The following KBTBD8 variants were observed in gnomAD, a reference collection of about 807,000 sequenced individuals.
KBTBD8 encodes the protein kelch repeat and BTB domain containing 8.
In KBTBD8, 31 loss-of-function variants were observed where a neutral mutation model predicts 53.5. That is an observed-to-expected ratio of 0.58 (90% CI 0.44 to 0.78). The LOEUF is 0.78. Ranked by LOEUF, KBTBD8 falls within the 30% of genes least tolerant of loss-of-function variation. The pLI is 0.00. For missense variants in KBTBD8, 642 were observed against 735.8 expected (o/e 0.87, Z 1.48); for synonymous variants, 250 against 247.3 (o/e 1.01, Z -0.10).
chr3:66,999,284 A>C, intron 2 of KBTBD8, 93 bp downstream of exon 2: 1 of 973,210 alleles, frequency 1.0e-6, no homozygotes, highest in South Asian at 1.4e-5. Flanking sequence ...GAGATGCGAT[A>C]ATGAAATGAA....
At chr3:66,998,813 C>T in intron 1 of KBTBD8, 168 bp from the exon 2 acceptor site, 1 of 633,918 alleles carries the variant, frequency 1.6e-6, no homozygotes, top group Non-Finnish European at 2.8e-6. Context: ...CCCTCTGTCT[C>T]CCAGATCCTT....
chr3:66,998,379 G>GT lies in KBTBD8; in HGVS notation c.16+9dup. 1 of 1,296,292 alleles carries GT rather than the reference G, an allele frequency of 7.7e-7. No individual in the cohort carries two copies. Among genetic ancestry groups the GT allele is most frequent in the African/African-American group, 1.5e-5 (1 of 64,806 alleles). 80.3% of individuals were successfully genotyped at this position (1,296,292 alleles called of 1,614,324 possible). The stretch of plus-strand genomic sequence containing the variant: ...AAATGGCCGCGTCGGCAGGTGGGTC[G>GT]TGTGGTGGCCAGGGCGGCGTGGAGG... On this transcript the variant is annotated intron_variant, in intron 1 of 3. Transcript: ENST00000417314.
rs750313006 is a variant in KBTBD8 at position 67,003,451 on chromosome 3, T to C, written c.484T>C (p.Tyr162His). ...SIGVFIFADHYGHQELGDRSK... is the reference protein window; with the variant it reads ...SIGVFIFADHHGHQELGDRSK... ...TGGGGTCTTTATCTTTGCTGATCAT[T>C]ATGGTCATCAGGAACTCGGAGATCG... Residue 162 changes from tyrosine to histidine, a missense_variant, in exon 3 of 4, where the codon TAT becomes CAT. Tyr to His is a moderately conservative substitution (Grantham distance 83, BLOSUM62 2). Coordinates refer to ENST00000417314, the MANE Select transcript of KBTBD8 (RefSeq NM_032505.3). 6.2e-7 allele frequency: 1 copy of C among 1,614,152 alleles called. No individual in the cohort carries two copies. The highest frequency in any genetic ancestry group is 8.5e-7 in the Non-Finnish European group (1 of 1,180,000).
Position 66,998,313 on chromosome 3 carries a change from A to C in KBTBD8, c.-43A>C. 7.7e-7 allele frequency: 1 copy of C among 1,294,164 alleles called. No homozygotes were observed. The highest frequency in any genetic ancestry group is 1.5e-5 in the African/African-American group (1 of 64,818). The allele number at this position is 1,294,164 out of a possible 1,614,324, so 80.2% of individuals were successfully genotyped here. A position where few individuals can be genotyped will look rare whatever the true frequency, so the allele number is the denominator to read the frequency against. ...ACCCGGGAGCTAGAGAAGCGAAATG[A>C]CATTTCCTTTTTAAATAGCTGGAGT... On this transcript the variant is annotated 5_prime_UTR_variant, in exon 1 of 4. Coordinates refer to ENST00000417314, the MANE Select transcript of KBTBD8 (RefSeq NM_032505.3).
In KBTBD8 at chr3:67,008,928, T is replaced by C. The variant is rs547006521; in HGVS notation, c.*543T>C. 20 of 152,774 alleles carry C rather than the reference T, an allele frequency of 1.3e-4. No homozygotes were observed. The highest frequency in any genetic ancestry group is 4.8e-4 in the African/African-American group (20 of 41,570). 9.5% of individuals were successfully genotyped at this position (152,774 alleles called of 1,614,324 possible). On this transcript the variant is annotated 3_prime_UTR_variant, in exon 4 of 4. Coordinates refer to ENST00000417314, the MANE Select transcript of KBTBD8 (RefSeq NM_032505.3). ...AAATGTGTTCTATTATTAGAGTAGATCGAAGAAAAAATTAGTCTCAGAAAG... is the reference window on the plus strand; with the variant it reads ...AAATGTGTTCTATTATTAGAGTAGACCGAAGAAAAAATTAGTCTCAGAAAG...
In KBTBD8 at chr3:67,002,495, A is replaced by G. The variant is rs1010199320; in HGVS notation, c.228-700A>G. 1.3e-4 allele frequency among the ~76,000 whole-genome samples: 18 copies of G among 143,848 alleles called. No homozygotes were observed. In the South Asian group the frequency reaches 4.1e-3, roughly 33 times the overall value. The allele number at this position is 143,848 out of a possible 152,430, so 94.4% of individuals were successfully genotyped here. A position where few individuals can be genotyped will look rare whatever the true frequency, so the allele number is the denominator to read the frequency against. On this transcript the variant is annotated intron_variant, in intron 2 of 3. Transcript: ENST00000417314. ...CTTTGTATGCTAATGTATCATGTTGATACCTTTATAGGTATTCTTTTTTTT... is the reference window on the plus strand; with the variant it reads ...CTTTGTATGCTAATGTATCATGTTGGTACCTTTATAGGTATTCTTTTTTTT...
At chr3:67,004,863 T>A (rs1013256999) in intron 3 of KBTBD8, among the ~76,000 whole-genome samples, 8 of 152,246 alleles carry the variant, frequency 5.3e-5, no homozygotes, top group Admixed American at 5.2e-4. Flanking sequence ...AGTATGGTCT[T>A]CAAGTTTCAC....
intron 3 of KBTBD8, among the ~76,000 whole-genome samples, chr3:67,005,320 T>A (rs1559557111): frequency 6.6e-6 from 1 of 152,232 alleles, no homozygotes; most frequent in South Asian, 2.1e-4. Context: ...CAATGATGGA[T>A]CACATACACA....
chr3:67,007,981 A>G lies in KBTBD8; in HGVS notation c.1402A>G (p.Thr468Ala), dbSNP rs761021876. Residue 468 changes from threonine to alanine, a missense_variant, in exon 4 of 4, where the codon ACT becomes GCT. Physicochemically the swap from Thr to Ala is moderately conservative, Grantham distance 58 (BLOSUM62 0). Transcript: ENST00000417314. ...KDYWGFLTPM[T>A]VPRIQGLAAV... ...CTACTGGGGTTTCTTAACCCCCATG[A>G]CTGTGCCTAGAATCCAGGGCTTAGC... 5 of 1,612,652 alleles carry G rather than the reference A, an allele frequency of 3.1e-6. No individual in the cohort carries two copies. The South Asian group carries it at 4.4e-5, about 14-fold the overall frequency.
In KBTBD8 at chr3:67,010,915, A is replaced by C. The variant is rs1702111670; in HGVS notation, c.*2530A>C. On this transcript the variant is annotated 3_prime_UTR_variant, in exon 4 of 4. Transcript: ENST00000417314. Reference sequence around the variant, plus strand: ...TATAACTATGTTATAGGAAAGTAGAAATTGTATTCTTTATTTTCCATCTTT... The same window carrying C: ...TATAACTATGTTATAGGAAAGTAGACATTGTATTCTTTATTTTCCATCTTT... The C allele has an allele frequency of 6.6e-6, 1 of 152,614 alleles. No homozygotes were observed. Among genetic ancestry groups the C allele is most frequent in the Non-Finnish European group, 1.5e-5 (1 of 68,018 alleles). The allele number at this position is 152,614 out of a possible 1,614,324, so 9.5% of individuals were successfully genotyped here.
rs4856833 is a variant in KBTBD8 at position 66,998,338 on chromosome 3, T to C, written c.-18T>C. Reference sequence around the variant, plus strand: ...ACATTTCCTTTTTAAATAGCTGGAGTCGGGGCCCCATCGAGAAATGGCCGC... The same window carrying C: ...ACATTTCCTTTTTAAATAGCTGGAGCCGGGGCCCCATCGAGAAATGGCCGC... On this transcript the variant is annotated 5_prime_UTR_variant, in exon 1 of 4. Coordinates refer to ENST00000417314, the MANE Select transcript of KBTBD8 (RefSeq NM_032505.3). The C allele has an allele frequency of 0.8, 1,034,085 of 1,287,566 alleles. 416,702 individuals are homozygous for C. Among genetic ancestry groups the C allele is most frequent in the East Asian group, 0.98 (31,327 of 31,942 alleles). The allele number at this position is 1,287,566 out of a possible 1,614,324, so 79.8% of individuals were successfully genotyped here.
intron 3 of KBTBD8, 69 bp downstream of exon 3, chr3:67,004,378 C>T: frequency 1.4e-6 from 2 of 1,431,186 alleles, no homozygotes; most frequent in South Asian, 1.3e-5. Flanking sequence ...CTTAATTATA[C>T]TGAAACAGTT....
At chr3:67,000,232 G>T (rs1030620319) in intron 2 of KBTBD8, among the ~76,000 whole-genome samples, 2 of 152,106 alleles carry the variant, frequency 1.3e-5, no homozygotes, top group Non-Finnish European at 1.5e-5. Context: ...TAACCGTTTA[G>T]ACTTGCCTAG....
chr3:67,000,614 T>C (rs1030197348), intron 2 of KBTBD8, among the ~76,000 whole-genome samples: 3 of 152,190 alleles, frequency 2.0e-5, no homozygotes, highest in African/African-American at 7.2e-5. Context: ...TACATTTGAT[T>C]ACAGAGCCAG....
chr3:66,998,521 T>A, intron 1 of KBTBD8, 150 bp downstream of exon 1: 4 of 484,698 alleles, frequency 8.3e-6, no homozygotes, highest in Non-Finnish European at 1.3e-5. Flanking sequence ...GGAGGATGAA[T>A]GGTGCGGAGG....
At position 67,004,027 on chromosome 3, in the gene KBTBD8, C is replaced by T. The variant is rs778796117; in HGVS notation, c.1060C>T (p.His354Tyr). 8.7e-6 allele frequency: 14 copies of T among 1,614,128 alleles called. No individual in the cohort carries two copies. In the South Asian group the frequency reaches 1.5e-4, roughly 18 times the overall value. The change falls in exon 3 of 4, where the codon CAT (histidine) becomes TAT (tyrosine). Residue 354 changes from histidine (H) to tyrosine (Y), a missense_variant. Transcript: ENST00000417314. ...RPSSSEVSID[H>Y]KAENDFWMYD... ...AAGCAGCAGTGAGGTCTCCATCGAC[C>T]ATAAGGCAGAAAATGATTTCTGGAT...
At chr3:67,004,871 C>G (rs1702050343) in intron 3 of KBTBD8, among the ~76,000 whole-genome samples, 2 of 152,232 alleles carry the variant, frequency 1.3e-5, no homozygotes, top group African/African-American at 2.4e-5. Context: ...CTTCAAGTTT[C>G]ACCTTCACTG....
intron 3 of KBTBD8, 48 bp downstream of exon 3, chr3:67,004,357 G>C (rs1033197593): frequency 1.3e-6 from 2 of 1,552,648 alleles, no homozygotes; most frequent in Admixed American, 1.7e-5. Context: ...AACACATCAA[G>C]TGGTGGTTTA....
chr3:67,004,197 T>C lies in KBTBD8; in HGVS notation c.1230T>C (p.Ser410=), dbSNP rs771558275. Residue 410 remains serine (S), a synonymous_variant, in exon 3 of 4, where the codon TCT becomes TCC. Coordinates refer to ENST00000417314, the MANE Select transcript of KBTBD8 (RefSeq NM_032505.3). ...YEGDGRNSLK[S]VECYDSRENC... ...GTGATGGGAGAAACTCACTAAAATC[T>C]GTTGAGTGCTACGACAGTAGAGAGA... 6.2e-7 allele frequency: 1 copy of C among 1,614,208 alleles called. No individual in the cohort carries two copies. Among genetic ancestry groups the C allele is most frequent in the Non-Finnish European group, 8.5e-7 (1 of 1,180,022 alleles).
Sources: allele counts gnomAD v4.1 joint callset (sites outside exome capture counted in the v4.1 genomes callset), GRCh38; gene constraint gnomAD v4.1.1; transcripts MANE v1.5; gene names NCBI Gene and HGNC (gene_info 2026-07-23, HGNC 2026-07-21).